Variants in SPDYE10 observed in about 807,000 individuals in gnomAD.
SPDYE10 encodes the protein speedy protein E10.
chr7:73,123,785 CTCCCTCT>C, the SPDYE10 span, among the ~76,000 whole-genome samples: 4 of 146,360 alleles, frequency 2.7e-5, no homozygotes, highest in Admixed American at 6.7e-5. Context: ...CTCTCTCTCT[CTCCCTCT>C]CTCTCTCTCT....
At chr7:73,131,817 G>A in the SPDYE10 span, among the ~76,000 whole-genome samples, 1 of 151,882 alleles carries the variant, frequency 6.6e-6, no homozygotes, top group Admixed American at 6.6e-5. Flanking sequence ...TTACAGTCAC[G>A]AGCCACCACA....
chr7:73,113,736 A>G, the SPDYE10 span, among the ~76,000 whole-genome samples: 2 of 152,126 alleles, frequency 1.3e-5, no homozygotes, highest in Non-Finnish European at 2.9e-5. Context: ...TCTACTAAAA[A>G]TACAAAAAAT....
chr7:73,137,663 A>G, the SPDYE10 span, among the ~76,000 whole-genome samples: 1 of 123,678 alleles, frequency 8.1e-6, no homozygotes, highest in Non-Finnish European at 1.7e-5. Context: ...GAAAAGAGAA[A>G]GAAAGAAAGA....
the SPDYE10 span, among the ~76,000 whole-genome samples, chr7:73,123,517 A>C: frequency 6.6e-6 from 1 of 152,222 alleles, no homozygotes; most frequent in African/African-American, 2.4e-5. Flanking sequence ...CCCAAGCTGG[A>C]GTGCAGTGGT....
chr7:73,151,986 C>CTT, the SPDYE10 span, among the ~76,000 whole-genome samples: 2 of 134,070 alleles, frequency 1.5e-5, no homozygotes, highest in African/African-American at 3.0e-5. Context: ...GTTTCACCTG[C>CTT]TTTTTTTTAT....
At chr7:73,144,856 C>CA in the SPDYE10 span, among the ~76,000 whole-genome samples, 31 of 71,720 alleles carry the variant, frequency 4.3e-4, no homozygotes, top group South Asian at 1.5e-3. Flanking sequence ...ACTAAAAATA[C>CA]AAAAAAAAAA....
the SPDYE10 span, among the ~76,000 whole-genome samples, chr7:73,111,754 CTTTTTTTTTTT>C: frequency 6.8e-4 from 13 of 19,036 alleles, no homozygotes; most frequent in African/African-American, 4.2e-3. Context: ...TCTGACCCTT[CTTTTTTTTTTT>C]TTTTTTTTTT....
the SPDYE10 span, among the ~76,000 whole-genome samples, chr7:73,113,916 C>T: frequency 6.6e-6 from 1 of 151,926 alleles, no homozygotes; most frequent in South Asian, 2.1e-4. Context: ...TTCCCAGCTA[C>T]TCAGGAGGCT....
At chr7:73,114,562 A>C in the SPDYE10 span, among the ~76,000 whole-genome samples, 1 of 139,010 alleles carries the variant, frequency 7.2e-6, no homozygotes, top group African/African-American at 2.6e-5. Context: ...TTGGAAACAG[A>C]GTCTCACTCT....
At chr7:73,154,838 CG>C in the SPDYE10 span, 16 of 202,608 alleles carry the variant, frequency 7.9e-5, no homozygotes, top group African/African-American at 9.7e-5. Context: ...GCAGCAGCAC[CG>C]GGGGAGCCCC....
the SPDYE10 span, among the ~76,000 whole-genome samples, chr7:73,116,623 A>AT: frequency 7.4e-6 from 1 of 135,986 alleles, no homozygotes; most frequent in Non-Finnish European, 1.6e-5. Context: ...AAATTTTAAA[A>AT]TTTTTTTGTA....
the SPDYE10 span, among the ~76,000 whole-genome samples, chr7:73,115,400 C>T: frequency 6.6e-6 from 1 of 151,792 alleles, no homozygotes; most frequent in African/African-American, 2.4e-5. Flanking sequence ...ACCAGTTCTC[C>T]ACTCCCCTGG....
At chr7:73,137,552 GAGAAAGAAAGAAGAGATGAA>G in the SPDYE10 span, among the ~76,000 whole-genome samples, 2 of 138,948 alleles carry the variant, frequency 1.4e-5, no homozygotes, top group Admixed American at 1.5e-4. Context: ...GAGAAAGAAA[GAGAAAGAAAGAAGAGATGAA>G]AGAAAGAAAG....
the SPDYE10 span, among the ~76,000 whole-genome samples, chr7:73,145,086 TTCTTTCTTTCTTTCTTTCC>T: frequency 2.2e-5 from 3 of 138,272 alleles, 1 homozygote; most frequent in Admixed American, 1.4e-4. Context: ...TTTTTCTTTC[TTCTTTCTTTCTTTCTTTCC>T]TCTTTCTTTC....
At chr7:73,137,527 GGAAA>G in the SPDYE10 span, among the ~76,000 whole-genome samples, 24 of 108,922 alleles carry the variant, frequency 2.2e-4, no homozygotes, top group African/African-American at 5.3e-4. Context: ...AAAAAAAAAA[GGAAA>G]GAAAGAGAGA....
chr7:73,123,310 G>A, the SPDYE10 span, among the ~76,000 whole-genome samples: 1 of 152,042 alleles, frequency 6.6e-6, no homozygotes, highest in African/African-American at 2.4e-5. Context: ...TGATGAAAAT[G>A]GGTGTGTAAA....
chr7:73,117,060 A>C, the SPDYE10 span, among the ~76,000 whole-genome samples: 1 of 147,432 alleles, frequency 6.8e-6, no homozygotes, highest in Non-Finnish European at 1.5e-5. Context: ...ATTCTCGACT[A>C]ATTTTTGGGT....
At chr7:73,131,842 TTG>T in the SPDYE10 span, among the ~76,000 whole-genome samples, 2 of 151,228 alleles carry the variant, frequency 1.3e-5, no homozygotes, top group Non-Finnish European at 1.5e-5. Flanking sequence ...GCCTTACGCT[TTG>T]TGTTTTCATC....
the SPDYE10 span, among the ~76,000 whole-genome samples, chr7:73,137,719 A>G: frequency 5.1e-5 from 1 of 19,582 alleles, no homozygotes; most frequent in African/African-American, 2.9e-4. Flanking sequence ...GGGGGAGGGG[A>G]AGGGGGAGGG....
Sources: allele counts gnomAD v4.1 joint callset (sites outside exome capture counted in the v4.1 genomes callset), GRCh38; gene constraint gnomAD v4.1.1; transcripts MANE v1.5; gene names NCBI Gene and HGNC (gene_info 2026-07-23, HGNC 2026-07-21).